Variants in ODF2 observed in about 807,000 individuals in gnomAD.
ODF2 encodes the protein outer dense fiber of sperm tails 2.
In ODF2, 47 loss-of-function variants were observed where a neutral mutation model predicts 110.2. The observed-to-expected ratio is 0.43, with a 90% CI of 0.34 to 0.54. The LOEUF is 0.54. Among genes scored for constraint, ODF2 ranks in the 20% least tolerant of loss-of-function variants. ODF2 has a pLI of 0.03. For missense variants in ODF2, 812 were observed against 1,054.5 expected, an observed-to-expected ratio of 0.77 and a Z score of 3.19; for synonymous variants, 352 against 397.7, an observed-to-expected ratio of 0.89 and a Z score of 1.37.
chr9:128,469,521 G>A, intron 5 of ODF2, 168 bp downstream of exon 5: 1 of 659,282 alleles, frequency 1.5e-6, no homozygotes, highest in Non-Finnish European at 2.6e-6. Flanking sequence ...GGGGCAGCAT[G>A]GGATCCCATC....
intron 11 of ODF2, 121 bp downstream of exon 11, chr9:128,484,175 T>G: frequency 1.4e-6 from 1 of 725,092 alleles, no homozygotes; most frequent in South Asian, 1.6e-5. Flanking sequence ...AGGCAGCTGA[T>G]GACAAAATAC....
At position 128,473,169 on chromosome 9, in the gene ODF2, C is replaced by T. The variant is rs73669912; in HGVS notation, c.711+127C>T. The T allele has an allele frequency of 9.4e-4, 1,395 of 1,477,932 alleles. 10 individuals carry two copies. The African/African-American group carries it at 0.017, about 18-fold the overall frequency. The allele number at this position is 1,477,932 out of a possible 1,614,324, so 91.6% of individuals were successfully genotyped here. On this transcript the variant is annotated intron_variant, in intron 7 of 20. Transcript: ENST00000604420. ...CATCTTCAGGCTGGGGGAGAGCACG[C>T]TTAACTAGGCCCCCACCCACCACTC...
upstream of ODF2, chr9:128,455,255 T>G: frequency 6.5e-7 from 1 of 1,532,570 alleles, no homozygotes; most frequent in Non-Finnish European, 8.7e-7. Flanking sequence ...GCATAGAGAG[T>G]GCAGGAGGGT....
chr9:128,456,574 C>G, intron 1 of ODF2: 1 of 1,525,836 alleles, frequency 6.6e-7, no homozygotes, highest in Non-Finnish European at 8.8e-7. Flanking sequence ...CTCCTGCCTG[C>G]TGGTGGGTGG....
intron 1 of ODF2, chr9:128,457,133 C>T: frequency 1.4e-6 from 2 of 1,456,234 alleles, no homozygotes; most frequent in Non-Finnish European, 9.1e-7. Context: ...CTGCCCCGTC[C>T]CCTCCCCTTC....
chr9:128,479,095 A>G (rs1841927836), intron 8 of ODF2, among the ~76,000 whole-genome samples: 1 of 152,166 alleles, frequency 6.6e-6, no homozygotes, highest in African/African-American at 2.4e-5. Flanking sequence ...TCCGTGGCCA[A>G]GCCTTCTGTC....
intron 13 of ODF2, among the ~76,000 whole-genome samples, chr9:128,486,846 G>T (rs1843456093): frequency 2.0e-5 from 3 of 152,190 alleles, no homozygotes; most frequent in Admixed American, 2.0e-4. Context: ...AAAGCCCAGG[G>T]TGCTCAGGGC....
rs552976987 is a variant in ODF2 at position 128,488,374 on chromosome 9, G to A, written c.1536+349G>A. On this transcript the variant is annotated intron_variant, in intron 14 of 20. Transcript: ENST00000604420. The stretch of plus-strand genomic sequence containing the variant: ...TGGGAGGTTGAGGCTGTGGTGAGCC[G>A]AGATCGCCCCACTGCACTCCAGCCT... Among the ~76,000 whole-genome samples the A allele has an allele frequency of 3.4e-4, 51 of 152,048 alleles. 1 individual carries two copies. The highest frequency in any genetic ancestry group is 3.1e-3 in the South Asian group (15 of 4,820).
At chr9:128,473,407 C>T in intron 7 of ODF2, 1 of 643,566 alleles carries the variant, frequency 1.6e-6, no homozygotes, top group Non-Finnish European at 1.9e-6. Context: ...CCCCTTTCTC[C>T]ACCTTTGCTC....
chr9:128,496,055 G>C (rs754965249), exon 18 of ODF2: 1 of 1,613,796 alleles, frequency 6.2e-7, no homozygotes. Context: ...AACACCAGGG[G>C]GACAAGCTGG....
chr9:128,488,081 G>T (rs1475211199), intron 14 of ODF2, 56 bp downstream of exon 14: 1 of 1,605,762 alleles, frequency 6.2e-7, no homozygotes, highest in African/African-American at 1.3e-5. Flanking sequence ...GAGCTGATGA[G>T]GGGTCTTGTC....
intron 4 of ODF2, among the ~76,000 whole-genome samples, chr9:128,462,264 C>T (rs1836679116): frequency 6.6e-6 from 1 of 151,604 alleles, no homozygotes. Flanking sequence ...GATTCTCCTG[C>T]CTCAGCCTGC....
intron 4 of ODF2, among the ~76,000 whole-genome samples, chr9:128,467,963 G>A (rs922499727): frequency 1.1e-3 from 164 of 152,158 alleles, no homozygotes; most frequent in African/African-American, 3.7e-3. Context: ...CCAAAGTGCT[G>A]GGATTACAGG....
intron 3 of ODF2, chr9:128,460,217 A>G (rs895431060): frequency 4.9e-5 from 65 of 1,316,500 alleles, no homozygotes; most frequent in African/African-American, 6.0e-5. Context: ...AAATCCAAGG[A>G]GGAGCTGTGC....
intron 5 of ODF2, 66 bp downstream of exon 5, chr9:128,469,419 TC>T (rs376427085): frequency 3.3e-6 from 5 of 1,534,890 alleles, no homozygotes; most frequent in African/African-American, 2.7e-5. Context: ...CAGGTGGATT[TC>T]CTGCCTGGTC....
intron 5 of ODF2, among the ~76,000 whole-genome samples, chr9:128,470,044 TATAA>T (rs1183449512): frequency 3.1e-5 from 2 of 64,802 alleles, no homozygotes; most frequent in East Asian, 4.3e-4. Flanking sequence ...TATATATATA[TATAA>T]ATAAAAAAAT....
chr9:128,499,970 C>G (rs907089838), intron 20 of ODF2, 97 bp from the exon 21 acceptor site: 17 of 1,380,384 alleles, frequency 1.2e-5, no homozygotes, highest in Non-Finnish European at 1.7e-5. Context: ...CTCGCCTCCC[C>G]AAACCTCCTG....
intron 10 of ODF2, 85 bp downstream of exon 10, chr9:128,482,972 T>C: frequency 2.0e-6 from 2 of 1,010,270 alleles, no homozygotes; most frequent in Non-Finnish European, 2.9e-6. Flanking sequence ...CTCAGCTCGC[T>C]GCAACCTCTG....
At chr9:128,484,081 A>T (rs1432971105) in intron 11 of ODF2, 27 bp downstream of exon 11, 1 of 1,510,138 alleles carries the variant, frequency 6.6e-7, no homozygotes, top group East Asian at 2.3e-5. Context: ...CAAGTGGGGA[A>T]AGAGGAGGCA....
Sources: allele counts gnomAD v4.1 joint callset (sites outside exome capture counted in the v4.1 genomes callset), GRCh38; gene constraint gnomAD v4.1.1; transcripts MANE v1.5; gene names NCBI Gene and HGNC (gene_info 2026-07-23, HGNC 2026-07-21).